The following CRBN variants were observed in gnomAD, a reference collection of about 807,000 sequenced individuals.
CRBN encodes protein cereblon.
A neutral mutation model predicts 62.2 loss-of-function variants in CRBN; 53 were observed. The ratio of observed to expected loss-of-function variants is 0.85; its 90% confidence interval spans 0.68 to 1.07. The LOEUF (loss-of-function observed/expected upper bound fraction) is 1.07. CRBN is among the 50% of genes least tolerant of loss of function. The probability of loss-of-function intolerance (pLI) is 0.00; values close to 1 mark genes in which losing one functional copy is unlikely to be tolerated. For missense variants in CRBN, 616 were observed against 531.1 expected (o/e 1.16, Z -1.57); for synonymous variants, 208 against 176.1 (o/e 1.18, Z -1.43).
intron 1 of CRBN, among the ~76,000 whole-genome samples, chr3:3,177,900 A>C (rs944817334): frequency 1.6e-4 from 25 of 152,308 alleles, no homozygotes; most frequent in South Asian, 4.1e-4. Context: ...TGGAAAGCCC[A>C]GTGTTTCCCT....
chr3:3,168,661 G>A (rs1409322549), intron 4 of CRBN, among the ~76,000 whole-genome samples: 1 of 152,130 alleles, frequency 6.6e-6, no homozygotes, highest in African/African-American at 2.4e-5. Context: ...TTCTAAAGTA[G>A]TCTTTCATAA....
Position 3,152,486 on chromosome 3 carries a change from C to A in CRBN, c.1118G>T (p.Arg373Leu). 6.2e-7 allele frequency: 1 copy of A among 1,613,782 alleles called. No individual in the cohort carries two copies. The highest frequency in any genetic ancestry group is 1.7e-5 in the Admixed American group (1 of 59,992). ...AAACCAGCTGTGTTCTGTAGAAGGC[C>A]GGCCTATCAGATTCAAGTTGCAAGC... The part of the protein sequence containing the change: ...YKACNLNLIG[R>L]PSTEHSWFPG... The change falls in exon 10 of 11, where the codon CGG becomes CTG. Residue 373 changes from arginine (R) to leucine (L), a missense_variant. By Grantham distance (102) the Arg-to-Leu change is moderately radical. Transcript: ENST00000231948.
At chr3:3,153,853 G>C (rs1442315439) in intron 8 of CRBN, 107 bp downstream of exon 8, 2 of 727,534 alleles carry the variant, frequency 2.7e-6, no homozygotes, top group South Asian at 3.0e-5. Flanking sequence ...TGAATTGCAT[G>C]ACTACATTAC....
At position 3,150,103 on chromosome 3, in the gene CRBN, G is replaced by C. The variant is rs1186846659; in HGVS notation, c.*762C>G. On this transcript the variant is annotated 3_prime_UTR_variant, in exon 11 of 11. Transcript: ENST00000231948. ...AGTATCAAGTTTAGTCTGGGTGAGG[G>C]GACATGTTTTGGCATCTTTTCCCTA... 1.3e-5 allele frequency: 2 copies of C among 152,050 alleles called. No homozygotes were observed. Among genetic ancestry groups the C allele is most frequent in the African/African-American group, 4.8e-5 (2 of 41,412 alleles). 9.4% of individuals were successfully genotyped at this position (152,050 alleles called of 1,614,324 possible). A position where few individuals can be genotyped will look rare whatever the true frequency, so the allele number is the denominator to read the frequency against.
At chr3:3,157,130 G>T (rs188545095) in intron 5 of CRBN, among the ~76,000 whole-genome samples, 1 of 152,086 alleles carries the variant, frequency 6.6e-6, no homozygotes, top group Non-Finnish European at 1.5e-5. Flanking sequence ...TTTTGAAAGA[G>T]AAGCAAATGG....
chr3:3,150,518 A>ATTTT lies in CRBN; in HGVS notation c.*343_*346dup, dbSNP rs11320492. 1.1e-5 allele frequency: 2 copies of ATTTT among 184,366 alleles called. No individual in the cohort carries two copies. Among genetic ancestry groups the ATTTT allele is most frequent in the African/African-American group, 4.9e-5 (2 of 40,556 alleles). 11.4% of individuals were successfully genotyped at this position (184,366 alleles called of 1,614,324 possible). On this transcript the variant is annotated 3_prime_UTR_variant, in exon 11 of 11. Transcript: ENST00000231948. ...CAGTTTCACATTGTAGGAATTTAAG[A>ATTTT]TTTTTTTTTTTTTTAACACAGGAAA...
chr3:3,156,837 G>C (rs973417033), intron 5 of CRBN: 1 of 153,152 alleles, frequency 6.5e-6, no homozygotes, highest in Non-Finnish European at 1.5e-5. Context: ...ACCTCTAATT[G>C]TAACTGAAAT....
At chr3:3,153,874 A>G in intron 8 of CRBN, 86 bp downstream of exon 8, 1 of 810,878 alleles carries the variant, frequency 1.2e-6, no homozygotes, top group South Asian at 1.4e-5. Context: ...TGGACTCTAT[A>G]CAGAGCTCCA....
In CRBN at chr3:3,179,650, T is replaced by C. The variant is rs1707990695; in HGVS notation, c.38A>G (p.Asn13Ser). The C allele has an allele frequency of 7.4e-6, 12 of 1,613,250 alleles. No homozygotes were observed. In the East Asian group the frequency reaches 1.1e-4, roughly 15 times the overall value. ...GEGDQQDAAHNMGNHLPLLPA... is the reference protein window; with the variant it reads ...GEGDQQDAAHSMGNHLPLLPA... ...CAGGAGCGGCAGGTGGTTGCCCATG[T>C]TGTGCGCAGCGTCCTGCTGATCTCC... Residue 13 changes from asparagine (N) to serine (S), a missense_variant, in exon 1 of 11, where the codon AAC becomes AGC. Physicochemically the swap from Asn to Ser is conservative, Grantham distance 46. Coordinates refer to ENST00000231948, the MANE Select transcript of CRBN (RefSeq NM_016302.4).
chr3:3,153,248 C>T (rs1706711047), intron 9 of CRBN, 176 bp downstream of exon 9: 2 of 564,012 alleles, frequency 3.5e-6, no homozygotes, highest in Non-Finnish European at 6.5e-6. Flanking sequence ...TGCATTGTTG[C>T]TCTGAGTACC....
chr3:3,165,834 TAGG>T (rs1707306745), intron 5 of CRBN, among the ~76,000 whole-genome samples: 2 of 152,124 alleles, frequency 1.3e-5, no homozygotes, highest in South Asian at 4.1e-4. Context: ...AGATGACACA[TAGG>T]GAACAACTTG....
chr3:3,170,814 T>C (rs961008801), intron 4 of CRBN, among the ~76,000 whole-genome samples: 4 of 152,158 alleles, frequency 2.6e-5, no homozygotes, highest in Non-Finnish European at 5.9e-5. Flanking sequence ...TTAATCTTTT[T>C]TTTCCTTTGA....
chr3:3,156,245 G>A lies in CRBN; in HGVS notation c.724C>T (p.Arg242Cys), dbSNP rs541404259. Residue 242 changes from arginine to cysteine, a missense_variant, in exon 6 of 11, where the codon CGC becomes TGC. By Grantham distance (180) the Arg-to-Cys change is radical. Coordinates refer to ENST00000231948, the MANE Select transcript of CRBN (RefSeq NM_016302.4). The stretch of plus-strand genomic sequence containing the variant: ...GCATCATATAAGGAATACAGCCAGC[G>A]AGGCCATGAAGTTAGATTTGCACAA... ...FHCANLTSWPRWLYSLYDAET... is the reference protein window; with the variant it reads ...FHCANLTSWPCWLYSLYDAET... 1.3e-4 allele frequency: 214 copies of A among 1,613,962 alleles called. 2 individuals are homozygous for A. The South Asian group carries it at 1.7e-3, about 13-fold the overall frequency.
chr3:3,158,763 A>G (rs1575086512), intron 5 of CRBN, among the ~76,000 whole-genome samples: 1 of 152,178 alleles, frequency 6.6e-6, no homozygotes, highest in Admixed American at 6.5e-5. Context: ...AATAGGAAGG[A>G]GCTAGGATCT....
rs563308744 is a variant in CRBN at position 3,171,402 on chromosome 3, CAGG to C, written c.527+1371_527+1373del. ...TAATGCAGACCACCCCCACCCGCCCCAGGAGATCATTCTTTCATTCATTTATAT... is the reference window on the plus strand; with the variant it reads ...TAATGCAGACCACCCCCACCCGCCCCAGATCATTCTTTCATTCATTTATAT... On this transcript the variant is annotated intron_variant, in intron 4 of 10. Coordinates refer to ENST00000231948, the MANE Select transcript of CRBN (RefSeq NM_016302.4). Among the ~76,000 whole-genome samples the C allele has an allele frequency of 1.7e-4, 26 of 152,158 alleles. No individual in the cohort carries two copies. In the South Asian group the frequency reaches 5.4e-3, roughly 32 times the overall value.
chr3:3,167,860 T>C, intron 4 of CRBN, 67 bp from the exon 5 acceptor site: 2 of 1,461,864 alleles, frequency 1.4e-6, no homozygotes, highest in Non-Finnish European at 1.9e-6. Context: ...TATAAGTTTC[T>C]AAACAGTGAT....
intron 5 of CRBN, among the ~76,000 whole-genome samples, chr3:3,159,602 G>A (rs901108220): frequency 1.1e-4 from 16 of 152,326 alleles, no homozygotes; most frequent in African/African-American, 3.8e-4. Context: ...ATGCCCATGA[G>A]CAAGCTACAG....
At chr3:3,178,571 GA>G (rs1482834219) in intron 1 of CRBN, among the ~76,000 whole-genome samples, 12 of 152,076 alleles carry the variant, frequency 7.9e-5, no homozygotes, top group Non-Finnish European at 2.9e-5. Context: ...TGATCTACCT[GA>G]AAGGCTTTTT....
chr3:3,166,378 C>T (rs1192463482), intron 5 of CRBN, among the ~76,000 whole-genome samples: 1 of 152,120 alleles, frequency 6.6e-6, no homozygotes, highest in Admixed American at 6.6e-5. Flanking sequence ...GAGGCCTCCC[C>T]AGCCATGTGG....
Sources: gnomAD v4.1 joint callset for allele counts (sites outside exome capture counted in the v4.1 genomes callset) on GRCh38, gnomAD v4.1.1 for gene constraint, MANE v1.5 for transcripts, NCBI Gene and HGNC (gene_info 2026-07-23, HGNC 2026-07-21) for gene names.